Variants in TRPC7 observed in about 807,000 individuals in gnomAD.
TRPC7 encodes the protein short transient receptor potential channel 7.
Under a neutral mutation model 90.1 loss-of-function variants are expected in TRPC7, and 42 were observed. The observed-to-expected ratio is 0.47, with a 90% CI of 0.36 to 0.60. The LOEUF is 0.60. TRPC7 is among the 20% of genes least tolerant of loss of function. The pLI is 0.00. For missense variants in TRPC7, 955 were observed against 1,112.3 expected (o/e 0.86, Z 2.01); for synonymous variants, 451 against 436.3 (o/e 1.03, Z -0.42).
At chr5:136,363,928 A>C (rs1760645025) in intron 1 of TRPC7, among the ~76,000 whole-genome samples, 2 of 152,190 alleles carry the variant, frequency 1.3e-5, no homozygotes, top group African/African-American at 4.8e-5. Flanking sequence ...AGCTGAAACA[A>C]GTTTTGATAG....
chr5:136,273,043 C>G (rs563038537), intron 4 of TRPC7, among the ~76,000 whole-genome samples: 22 of 152,210 alleles, frequency 1.4e-4, no homozygotes, highest in Non-Finnish European at 2.8e-4. Flanking sequence ...CTCCTGTTGG[C>G]AAGTCCCAGG....
intron 4 of TRPC7, among the ~76,000 whole-genome samples, chr5:136,271,400 C>G (rs1392169): frequency 0.13 from 19,545 of 152,232 alleles, 1,258 homozygotes; most frequent in Non-Finnish European, 0.14. Flanking sequence ...TCTGCCACAT[C>G]ATATAGAGAC....
At chr5:136,219,896 A>G (rs1370723452) in intron 10 of TRPC7, among the ~76,000 whole-genome samples, 2 of 152,226 alleles carry the variant, frequency 1.3e-5, no homozygotes, top group Admixed American at 6.5e-5. Context: ...GAAATGGCCA[A>G]AAGTTCTGTT....
chr5:136,353,653 A>G (rs1027619856), intron 2 of TRPC7, among the ~76,000 whole-genome samples: 1 of 152,254 alleles, frequency 6.6e-6, no homozygotes, highest in Non-Finnish European at 1.5e-5. Context: ...TAACTAATAA[A>G]GTTCTAAAGG....
At position 136,231,482 on chromosome 5, in the gene TRPC7, G is replaced by A. The variant is rs369764576; in HGVS notation, c.1912C>T (p.Leu638=). The stretch of plus-strand genomic sequence containing the variant: ...TCGATGAATTTGTGGTCGTATTTCA[G>A]CACCACTGAGATTACTTCAGATAAG... ...FGLSEVISVV[L]KYDHKFIENI... Residue 638 remains leucine, a synonymous_variant, in exon 8 of 12, where the codon CTG becomes TTG. Transcript: ENST00000513104. The A allele has an allele frequency of 3.0e-5, 49 of 1,612,428 alleles. No individual in the cohort carries two copies. In the African/African-American group the frequency reaches 6.4e-4, roughly 21 times the overall value.
chr5:136,260,967 G>T (rs1483233178), intron 5 of TRPC7, among the ~76,000 whole-genome samples: 2 of 152,162 alleles, frequency 1.3e-5, no homozygotes, highest in Admixed American at 1.3e-4. Flanking sequence ...TATGAGTATG[G>T]TATGTCATGG....
intron 2 of TRPC7, among the ~76,000 whole-genome samples, chr5:136,337,030 A>ATT (rs1759688204): frequency 6.6e-6 from 1 of 152,190 alleles, no homozygotes; most frequent in African/African-American, 2.4e-5. Context: ...AGGCTCACCT[A>ATT]TTAAGGCCCC....
intron 8 of TRPC7, among the ~76,000 whole-genome samples, chr5:136,230,962 C>T (rs570955422): frequency 8.2e-4 from 125 of 152,280 alleles, no homozygotes; most frequent in African/African-American, 2.8e-3. Flanking sequence ...ATCTTGGTAT[C>T]ACCAGTGCCT....
intron 1 of TRPC7, among the ~76,000 whole-genome samples, chr5:136,359,544 T>A (rs1053238490): frequency 1.2e-4 from 18 of 152,148 alleles, no homozygotes; most frequent in Non-Finnish European, 2.6e-4. Context: ...ATGCCATCAT[T>A]CCAGAGACAG....
At chr5:136,348,440 A>G (rs1760080830) in intron 2 of TRPC7, among the ~76,000 whole-genome samples, 1 of 151,906 alleles carries the variant, frequency 6.6e-6, no homozygotes, top group Non-Finnish European at 1.5e-5. Context: ...ATTGGGTTTC[A>G]TTTTAGACAT....
intron 7 of TRPC7, among the ~76,000 whole-genome samples, chr5:136,239,002 C>T (rs1463066822): frequency 6.6e-6 from 1 of 152,128 alleles, no homozygotes; most frequent in African/African-American, 2.4e-5. Flanking sequence ...TCCAGGTCCC[C>T]AGCCTCTCTG....
chr5:136,273,802 G>A (rs936018647), intron 4 of TRPC7, among the ~76,000 whole-genome samples: 3 of 152,180 alleles, frequency 2.0e-5, no homozygotes, highest in East Asian at 1.9e-4. Flanking sequence ...GGAACCTTTA[G>A]TGACAATCTT....
intron 2 of TRPC7, among the ~76,000 whole-genome samples, chr5:136,325,636 A>G (rs1759322846): frequency 6.6e-6 from 1 of 152,152 alleles, no homozygotes; most frequent in East Asian, 1.9e-4. Context: ...CAGGGTCTGG[A>G]GGCAGGGAAC....
At chr5:136,292,152 G>A (rs1034432244) in intron 3 of TRPC7, among the ~76,000 whole-genome samples, 2 of 152,144 alleles carry the variant, frequency 1.3e-5, no homozygotes, top group African/African-American at 4.8e-5. Flanking sequence ...AGTGTGTAGA[G>A]GGAAATTTAT....
intron 2 of TRPC7, among the ~76,000 whole-genome samples, chr5:136,318,225 C>T (rs1261967663): frequency 6.6e-6 from 1 of 152,164 alleles, no homozygotes; most frequent in East Asian, 1.9e-4. Flanking sequence ...AAGACACACT[C>T]CTCACTGTAA....
rs3734124 is a variant in TRPC7, at chr5:136,225,370, A to G, written c.2263-16T>C. 0.065 allele frequency: 105,317 copies of G among 1,609,072 alleles called. 3,498 individuals carry two copies. The highest frequency in any genetic ancestry group is 0.074 in the Middle Eastern group (446 of 6,052). ...AGCGAGTCTTCTGGATAAAACAAAC[A>G]AACCCACACACATCACACAGAAAAA... On this transcript the variant is annotated splice_polypyrimidine_tract_variant and intron_variant, in intron 9 of 11. Coordinates refer to ENST00000513104, the MANE Select transcript of TRPC7 (RefSeq NM_020389.3).
chr5:136,285,154 G>T lies in TRPC7; in HGVS notation c.964-10317C>A, dbSNP rs190589161. 1.7e-3 allele frequency among the ~76,000 whole-genome samples: 262 copies of T among 152,302 alleles called. 1 individual carries two copies. The highest frequency in any genetic ancestry group is 3.3e-3 in the Non-Finnish European group (222 of 68,024). On this transcript the variant is annotated intron_variant, in intron 3 of 11. Coordinates refer to ENST00000513104, the MANE Select transcript of TRPC7 (RefSeq NM_020389.3). ...GGACCATTGAGGAGTAATGGGTCTT[G>T]TGAGTCGTGCTAAGATGAAGACTAA...
chr5:136,274,760 A>T lies in TRPC7; in HGVS notation c.1041T>A (p.Ser347=), dbSNP rs1343454754. The change falls in exon 4 of 12, where the codon TCT becomes TCA. Residue 347 remains serine, a synonymous_variant. Transcript: ENST00000513104. ...YENLSGLRQQ[S]IAVKFLAVFG... is the part of the protein sequence containing the mutation. ...AGACAGCCAGGAATTTCACAGCGAT[A>T]GACTGTTGACGTAAGCCTGAGAGAT... 1 of 1,609,994 alleles carries T rather than the reference A, an allele frequency of 6.2e-7. No homozygotes were observed. Among genetic ancestry groups the T allele is most frequent in the South Asian group, 1.1e-5 (1 of 89,948 alleles).
chr5:136,238,059 G>A (rs1315206576), intron 7 of TRPC7, among the ~76,000 whole-genome samples: 1 of 152,100 alleles, frequency 6.6e-6, no homozygotes, highest in Non-Finnish European at 1.5e-5. Flanking sequence ...CACTGGCTGA[G>A]CTCTCTCTTG....
Sources: gnomAD v4.1 joint callset for allele counts (sites outside exome capture counted in the v4.1 genomes callset) on GRCh38, gnomAD v4.1.1 for gene constraint, MANE v1.5 for transcripts, NCBI Gene and HGNC (gene_info 2026-07-23, HGNC 2026-07-21) for gene names.